The following PLEKHH1 variants were observed in gnomAD, a reference collection of about 807,000 sequenced individuals.
The protein encoded by PLEKHH1 is pleckstrin homology domain-containing family H member 1.
In PLEKHH1, 104 loss-of-function variants were observed where a neutral mutation model predicts 160.0. The observed-to-expected ratio is 0.65, with a 90% CI of 0.55 to 0.76. The LOEUF (loss-of-function observed/expected upper bound fraction) is 0.76, where lower values mean the gene tolerates loss of function less well. Ranked by LOEUF, PLEKHH1 falls within the 30% of genes least tolerant of loss-of-function variation. PLEKHH1 has a pLI of 0.00. For missense variants in PLEKHH1, 1,427 were observed against 1,724.1 expected (o/e 0.83, Z 3.05); for synonymous variants, 619 against 678.4 (o/e 0.91, Z 1.36).
At chr14:67,566,703 C>T (rs2035108919) in intron 7 of PLEKHH1, among the ~76,000 whole-genome samples, 1 of 149,712 alleles carries the variant, frequency 6.7e-6, no homozygotes, top group African/African-American at 2.5e-5. Context: ...GAGTCAAGAT[C>T]TTGCCACTGT....
chr14:67,560,727 CTTTTTTTTTTT>C (rs11433194), intron 5 of PLEKHH1, among the ~76,000 whole-genome samples: 1 of 126,430 alleles, frequency 7.9e-6, no homozygotes, highest in Non-Finnish European at 1.6e-5. Flanking sequence ...GAACATATAT[CTTTTTTTTTTT>C]TTTTTTTTTG....
intron 18 of PLEKHH1, among the ~76,000 whole-genome samples, 153 bp downstream of exon 18, chr14:67,577,567 G>A (rs2035678379): frequency 1.3e-5 from 2 of 152,200 alleles, no homozygotes; most frequent in Admixed American, 1.3e-4. Flanking sequence ...TGGCAGGAAT[G>A]TAATCCTGTC....
chr14:67,576,631 A>G lies in PLEKHH1; in HGVS notation c.2461+128A>G. On this transcript the variant is annotated intron_variant, in intron 17 of 28. Transcript: ENST00000329153. This position sits in a 1 kb window ranked among gnomAD's most constrained non-coding sequence, Gnocchi z 4.0. ...TAAAACATCTAAGCCACAGAGGGGAAGTTCCCATCCAAGCTCCAGGGCCCC... is the reference window on the plus strand; with the variant it reads ...TAAAACATCTAAGCCACAGAGGGGAGGTTCCCATCCAAGCTCCAGGGCCCC... 1.8e-6 allele frequency: 1 copy of G among 551,610 alleles called. No homozygotes were observed. The allele number at this position is 551,610 out of a possible 1,614,324, so 34.2% of individuals were successfully genotyped here.
chr14:67,582,273 G>T lies in PLEKHH1; in HGVS notation c.3426+63G>T. 1 of 1,610,112 alleles carries T rather than the reference G, an allele frequency of 6.2e-7. No individual in the cohort carries two copies. Among genetic ancestry groups the T allele is most frequent in the African/African-American group, 1.3e-5 (1 of 74,970 alleles). On this transcript the variant is annotated intron_variant, in intron 24 of 28. Coordinates refer to ENST00000329153, the MANE Select transcript of PLEKHH1 (RefSeq NM_020715.3). The surrounding 1 kb of genome is among the most constrained non-coding windows in gnomAD (Gnocchi z 5.0). ...CAGCTTAGAATGAATGCACCATGCAGCCTGAAACACAGGAGAGATTCTGCA... is the reference window on the plus strand; with the variant it reads ...CAGCTTAGAATGAATGCACCATGCATCCTGAAACACAGGAGAGATTCTGCA...
chr14:67,545,560 G>C (rs1334360310), intron 2 of PLEKHH1, among the ~76,000 whole-genome samples: 1 of 152,128 alleles, frequency 6.6e-6, no homozygotes. Flanking sequence ...AAACAGAAAG[G>C]ACAAATGAAG....
chr14:67,576,574 A>G lies in PLEKHH1; in HGVS notation c.2461+71A>G. 1 of 792,350 alleles carries G rather than the reference A, an allele frequency of 1.3e-6. No homozygotes were observed. The highest frequency in any genetic ancestry group is 2.2e-6 in the Non-Finnish European group (1 of 451,630). 49.1% of individuals were successfully genotyped at this position (792,350 alleles called of 1,614,324 possible). A position where few individuals can be genotyped will look rare whatever the true frequency, so the allele number is the denominator to read the frequency against. ...TTGGTGACTATTGGTCAAGATCCCA[A>G]AGAAAGCAGTGTTGTACCCTGAAGC... is the stretch of plus-strand genomic sequence containing the variant. On this transcript the variant is annotated intron_variant, in intron 17 of 28. Transcript: ENST00000329153. The surrounding 1 kb of genome is among the most constrained non-coding windows in gnomAD (Gnocchi z 4.0).
At chr14:67,580,857 C>G (rs543339545) in intron 22 of PLEKHH1, 81 bp from the exon 23 acceptor site, 5 of 902,806 alleles carry the variant, frequency 5.5e-6, no homozygotes, top group South Asian at 4.2e-5. Flanking sequence ...CTCTTCTGCT[C>G]TGAGTCCAGC....
intron 2 of PLEKHH1, among the ~76,000 whole-genome samples, chr14:67,546,755 G>A (rs750357748): frequency 1.2e-4 from 18 of 152,148 alleles, no homozygotes; most frequent in Non-Finnish European, 1.9e-4. Flanking sequence ...TAGTCCCAGT[G>A]ACTTAGAGGC....
At chr14:67,551,715 C>T (rs2034398466) in intron 2 of PLEKHH1, among the ~76,000 whole-genome samples, 1 of 152,044 alleles carries the variant, frequency 6.6e-6, no homozygotes, top group East Asian at 1.9e-4. Context: ...ATGGAGAAAC[C>T]CCATCTCTAC....
At chr14:67,584,964 A>G (rs990605861) in intron 26 of PLEKHH1, among the ~76,000 whole-genome samples, 1 of 152,222 alleles carries the variant, frequency 6.6e-6, no homozygotes. Flanking sequence ...TCCAATGTCT[A>G]TCTGCCTCCC....
At position 67,583,843 on chromosome 14, in the gene PLEKHH1, C is replaced by T. The variant is rs978292814; in HGVS notation, c.3529C>T (p.Pro1177Ser). ...LLQQVLDRFH[P>S]RRYRHGAPAE... The stretch of plus-strand genomic sequence containing the variant: ...CCAGCAGGTCCTAGACAGGTTCCAC[C>T]CCAGGCGCTATAGACATGGGGCCCC... Residue 1177 changes from proline to serine, a missense_variant, in exon 25 of 29, where the codon CCC becomes TCC. This residue lies in a region of PLEKHH1 where 436 missense variants were observed against 607.5 expected (regional missense o/e 0.72). Transcript: ENST00000329153. The T allele has an allele frequency of 8.7e-6, 14 of 1,613,328 alleles. No homozygotes were observed. The highest frequency in any genetic ancestry group is 2.5e-6 in the Non-Finnish European group (3 of 1,179,626).
intron 2 of PLEKHH1, among the ~76,000 whole-genome samples, chr14:67,543,538 G>T (rs1374143149): frequency 1.3e-5 from 2 of 152,158 alleles, no homozygotes; most frequent in Non-Finnish European, 2.9e-5. Context: ...CATATTCCTG[G>T]GTTCTACCCC....
intron 5 of PLEKHH1, among the ~76,000 whole-genome samples, chr14:67,561,689 G>T (rs985406717): frequency 6.6e-6 from 1 of 151,902 alleles, no homozygotes; most frequent in African/African-American, 2.4e-5. Flanking sequence ...GCAACATAGC[G>T]AGAGCTTGTC....
intron 23 of PLEKHH1, 21 bp downstream of exon 23, chr14:67,581,059 G>A: frequency 6.6e-7 from 1 of 1,511,430 alleles, no homozygotes; most frequent in South Asian, 1.1e-5. Flanking sequence ...CTGCACGAGG[G>A]TGGGGCCAAA....
chr14:67,573,662 T>C lies in PLEKHH1; in HGVS notation c.1840-139T>C. On this transcript the variant is annotated intron_variant, in intron 12 of 28. Transcript: ENST00000329153. The surrounding 1 kb of genome is among the most constrained non-coding windows in gnomAD (Gnocchi z 4.8). ...AGCTATAACCAGAATCTAGAATAAGTCACCCATCATAACACAGCCAGAATG... is the reference window on the plus strand; with the variant it reads ...AGCTATAACCAGAATCTAGAATAAGCCACCCATCATAACACAGCCAGAATG... The C allele has an allele frequency of 1.5e-6, 1 of 684,336 alleles. No individual in the cohort carries two copies. The highest frequency in any genetic ancestry group is 2.3e-5 in the Admixed American group (1 of 43,052). The allele number at this position is 684,336 out of a possible 1,614,324, so 42.4% of individuals were successfully genotyped here.
At chr14:67,583,620 C>A in intron 24 of PLEKHH1, 121 bp from the exon 25 acceptor site, 1 of 667,290 alleles carries the variant, frequency 1.5e-6, no homozygotes, top group Non-Finnish European at 2.4e-6. Context: ...GTATTTTTCA[C>A]AACCACTCGC....
chr14:67,567,382 TCAAA>T (rs907042164), intron 7 of PLEKHH1, among the ~76,000 whole-genome samples: 8 of 152,340 alleles, frequency 5.3e-5, no homozygotes, highest in South Asian at 2.1e-4. Context: ...TAACATTTTG[TCAAA>T]CAGTCATAGG....
In PLEKHH1 at chr14:67,581,006, G is replaced by A. The variant is rs2035866437; in HGVS notation, c.3252G>A (p.Gly1084=). 1.2e-6 allele frequency: 2 copies of A among 1,613,066 alleles called. No homozygotes were observed. Among genetic ancestry groups the A allele is most frequent in the African/African-American group, 1.3e-5 (1 of 74,992 alleles). The part of the protein sequence containing the change: ...KELHPGKSEG[G]TRVVKLMYKN... ...TGCACCCCGGAAAGTCTGAGGGTGG[G>A]ACACGCGTCGTGAAGCTGATGTACA... The change falls in exon 23 of 29, where the codon GGG becomes GGA. Residue 1084 remains glycine, a synonymous_variant. Transcript: ENST00000329153.
At chr14:67,537,346 A>AAATAGTAAT (rs1555364830) in intron 1 of PLEKHH1, among the ~76,000 whole-genome samples, 3 of 126,602 alleles carry the variant, frequency 2.4e-5, no homozygotes, top group Admixed American at 2.4e-4. Context: ...TCCATCTCAA[A>AAATAGTAAT]AATAATAATA....
Sources: allele counts gnomAD v4.1 joint callset (sites outside exome capture counted in the v4.1 genomes callset), GRCh38; gene constraint gnomAD v4.1.1; regional missense constraint gnomAD v4.1.1; non-coding constraint Gnocchi (gnomAD v3.1); transcripts MANE v1.5; gene names NCBI Gene and HGNC (gene_info 2026-07-23, HGNC 2026-07-21).